The following PEX7 variants were observed in gnomAD, a reference collection of about 807,000 sequenced individuals.
PEX7 encodes the protein peroxisomal biogenesis factor 7.
A neutral mutation model predicts 47.5 loss-of-function variants in PEX7; 34 were observed. That is an observed-to-expected ratio of 0.72 (90% confidence interval 0.54 to 0.95). The LOEUF (loss-of-function observed/expected upper bound fraction) is 0.95. PEX7 is among the 40% of genes least tolerant of loss of function. The probability of loss-of-function intolerance (pLI) is 0.00; values close to 1 mark genes in which losing one functional copy is unlikely to be tolerated. For synonymous variants in PEX7, 141 were observed against 148.8 expected (o/e 0.95, Z 0.38); for missense variants, 394 against 400.3 (o/e 0.98, Z 0.13).
At chr6:136,824,018 C>T (rs1188941491) in intron 1 of PEX7, among the ~76,000 whole-genome samples, 5 of 152,154 alleles carry the variant, frequency 3.3e-5, no homozygotes, top group Non-Finnish European at 7.3e-5. Flanking sequence ...TTCATAATGT[C>T]AGTGGTCTAT....
intron 9 of PEX7, among the ~76,000 whole-genome samples, chr6:136,911,415 CT>C (rs373752130): frequency 6.6e-6 from 1 of 150,754 alleles, no homozygotes; most frequent in Non-Finnish European, 1.5e-5. Flanking sequence ...GGTTGTTTTC[CT>C]TTTTTTTTAG....
intron 9 of PEX7, among the ~76,000 whole-genome samples, chr6:136,905,435 A>C (rs949199018): frequency 1.3e-5 from 2 of 151,394 alleles, no homozygotes; most frequent in African/African-American, 4.9e-5. Context: ...TTAGTTTCTC[A>C]GAATCTACAC....
intron 3 of PEX7, among the ~76,000 whole-genome samples, chr6:136,836,177 A>G (rs1370189202): frequency 6.6e-6 from 1 of 152,222 alleles, no homozygotes; most frequent in East Asian, 1.9e-4. Context: ...GCAAGCTAAT[A>G]TGAGGTGAAA....
intron 3 of PEX7, among the ~76,000 whole-genome samples, chr6:136,844,849 A>G (rs1774566898): frequency 6.6e-6 from 1 of 152,210 alleles, no homozygotes; most frequent in Non-Finnish European, 1.5e-5. Flanking sequence ...CCAGATACTC[A>G]TACTTCCTAC....
intron 5 of PEX7, among the ~76,000 whole-genome samples, chr6:136,865,280 A>T (rs577948007): frequency 1.1e-3 from 163 of 151,972 alleles, no homozygotes; most frequent in African/African-American, 3.8e-3. Flanking sequence ...GTGAAACCCC[A>T]TCTCTCTCAC....
intron 5 of PEX7, among the ~76,000 whole-genome samples, chr6:136,849,957 A>C (rs1774709585): frequency 6.6e-6 from 1 of 152,110 alleles, no homozygotes; most frequent in South Asian, 2.1e-4. Flanking sequence ...GTGGGGTGTT[A>C]AAGTCTCCCA....
rs370927487 is a variant in PEX7, at chr6:136,828,577, A to C, written c.339+2108A>C. On this transcript the variant is annotated intron_variant, in intron 3 of 9. Coordinates refer to ENST00000318471, the MANE Select transcript of PEX7 (RefSeq NM_000288.4). Reference sequence around the variant, plus strand: ...AAATAGCCATCGTGCTCTCTTCCAGACTGTGCACTTGTCATTTCATTGTCC... The same window carrying C: ...AAATAGCCATCGTGCTCTCTTCCAGCCTGTGCACTTGTCATTTCATTGTCC... 2.0e-4 allele frequency among the ~76,000 whole-genome samples: 30 copies of C among 152,262 alleles called. 1 individual carries two copies. Among genetic ancestry groups the C allele is most frequent in the Admixed American group, 9.2e-4 (14 of 15,298 alleles).
At chr6:136,842,206 G>A (rs1001147299) in intron 3 of PEX7, among the ~76,000 whole-genome samples, 7 of 151,944 alleles carry the variant, frequency 4.6e-5, no homozygotes, top group Admixed American at 3.9e-4. Flanking sequence ...TGTTGGCCAG[G>A]CTGGTCTTGA....
chr6:136,823,131 G>A, intron 1 of PEX7: 1 of 985,400 alleles, frequency 1.0e-6, no homozygotes, highest in African/African-American at 1.7e-5. Context: ...GAGCCTGCGC[G>A]GTCCCTTGGA....
chr6:136,897,203 C>A (rs991571001), intron 8 of PEX7, among the ~76,000 whole-genome samples: 2 of 152,186 alleles, frequency 1.3e-5, no homozygotes, highest in African/African-American at 4.8e-5. Context: ...CAAACTGTGG[C>A]TCTTGGTTCT....
chr6:136,882,175 C>CTTTTTTTT (rs35653586), intron 8 of PEX7, among the ~76,000 whole-genome samples: 40 of 104,322 alleles, frequency 3.8e-4, no homozygotes, highest in Non-Finnish European at 6.1e-4. Flanking sequence ...TCTTCTTCTT[C>CTTTTTTTT]TTTTTTTTTT....
chr6:136,870,008 G>A lies in PEX7; in HGVS notation c.747+5G>A, dbSNP rs1775145774. ...TATGCTATTAGGAGGGTGAAAGTAA[G>A]TTTTCATCTTTTCTTTTATATGTAG... is the stretch of plus-strand genomic sequence containing the variant. On this transcript the variant is annotated splice_donor_5th_base_variant and intron_variant, in intron 7 of 9. Transcript: ENST00000318471. The A allele has an allele frequency of 2.0e-6, 3 of 1,528,338 alleles. No individual in the cohort carries two copies. In the South Asian group the frequency reaches 3.4e-5, roughly 17 times the overall value. The allele number at this position is 1,528,338 out of a possible 1,614,324, so 94.7% of individuals were successfully genotyped here. A position where few individuals can be genotyped will look rare whatever the true frequency, so the allele number is the denominator to read the frequency against.
chr6:136,822,641 G>C lies in PEX7; in HGVS notation c.-25G>C, dbSNP rs1040222217. The C allele has an allele frequency of 3.2e-5, 49 of 1,524,208 alleles. No homozygotes were observed. The highest frequency in any genetic ancestry group is 3.9e-5 in the Non-Finnish European group (44 of 1,140,314). 94.4% of individuals were successfully genotyped at this position (1,524,208 alleles called of 1,614,324 possible). On this transcript the variant is annotated 5_prime_UTR_variant, in exon 1 of 10. Coordinates refer to ENST00000318471, the MANE Select transcript of PEX7 (RefSeq NM_000288.4). ...CGGAACGGCTTCCGCGGCCGGGGCA[G>C]CGAGGGCCGGGGGCGGCGGGCGGGA...
intron 8 of PEX7, among the ~76,000 whole-genome samples, chr6:136,893,202 C>CTTTTTTTTTTTT (rs1487406339): frequency 6.6e-6 from 1 of 150,454 alleles, no homozygotes; most frequent in Non-Finnish European, 1.5e-5. Context: ...CTTTTTTTTT[C>CTTTTTTTTTTTT]TTTTTTTAAA....
chr6:136,902,048 G>T (rs1040804294), intron 9 of PEX7, among the ~76,000 whole-genome samples: 3 of 152,224 alleles, frequency 2.0e-5, no homozygotes, highest in African/African-American at 7.2e-5. Flanking sequence ...GCCTCCCAAA[G>T]TGCTGAGATT....
At chr6:136,824,792 G>A (rs1228981770) in intron 1 of PEX7, among the ~76,000 whole-genome samples, 1 of 152,156 alleles carries the variant, frequency 6.6e-6, no homozygotes, top group Non-Finnish European at 1.5e-5. Context: ...AGATTTACTG[G>A]TGAGGAGTGC....
chr6:136,878,980 CCG>C lies in PEX7; in HGVS notation c.803+6728_803+6729del, dbSNP rs1775327434. Among the ~76,000 whole-genome samples, 7 of 152,086 alleles carry C rather than the reference CCG, an allele frequency of 4.6e-5. 1 individual carries two copies. In the Middle Eastern group the frequency reaches 0.014, roughly 296 times the overall value. On this transcript the variant is annotated intron_variant, in intron 8 of 9. Transcript: ENST00000318471. Reference sequence around the variant, plus strand: ...TCATAAGTTTTCTGAAAAAAATTAACCGTTTATTGCCTGGTTGTGAGTTTTTC... The same window carrying C: ...TCATAAGTTTTCTGAAAAAAATTAACTTTATTGCCTGGTTGTGAGTTTTTC...
chr6:136,825,541 T>G (rs1040170059), intron 2 of PEX7, among the ~76,000 whole-genome samples: 1 of 151,918 alleles, frequency 6.6e-6, no homozygotes, highest in South Asian at 2.1e-4. Flanking sequence ...AAAAGAAATT[T>G]TTTTTTTTTA....
At chr6:136,903,336 C>CTTTTTTTTTTTTTTTT (rs552573661) in intron 9 of PEX7, among the ~76,000 whole-genome samples, 1 of 126,316 alleles carries the variant, frequency 7.9e-6, no homozygotes, top group Non-Finnish European at 1.6e-5. Context: ...CTTTCTTTCT[C>CTTTTTTTTTTTTTTTT]TTTTTTTTTT....
Sources: gnomAD v4.1 joint callset for allele counts (sites outside exome capture counted in the v4.1 genomes callset) on GRCh38, gnomAD v4.1.1 for gene constraint, MANE v1.5 for transcripts, NCBI Gene and HGNC (gene_info 2026-07-23, HGNC 2026-07-21) for gene names.